ZSWIM6: variants seen among roughly 807,000 people sequenced by gnomAD.
ZSWIM6 encodes zinc finger SWIM-type containing 6.
In ZSWIM6, 9 loss-of-function variants were observed where a neutral mutation model predicts 113.2. That is an observed-to-expected ratio of 0.08 (90% confidence interval 0.05 to 0.14). The LOEUF (loss-of-function observed/expected upper bound fraction) is 0.14. ZSWIM6 is among the 10% of genes least tolerant of loss of function. The pLI is 1.00. For synonymous variants in ZSWIM6, 611 were observed against 606.5 expected (o/e 1.01, Z -0.11); for missense variants, 1,162 against 1,552.2 (o/e 0.75, Z 4.22).
intron 4 of ZSWIM6, among the ~76,000 whole-genome samples, chr5:61,520,775 G>A (rs1749094235): frequency 6.6e-6 from 1 of 152,058 alleles, no homozygotes; most frequent in Admixed American, 6.6e-5. Flanking sequence ...ATTGTAAAAA[G>A]TAATTTTAGA....
intron 4 of ZSWIM6, among the ~76,000 whole-genome samples, chr5:61,496,182 C>T (rs1039500634): frequency 2.5e-4 from 38 of 152,070 alleles, no homozygotes; most frequent in African/African-American, 8.9e-4. Flanking sequence ...TAATTAAGGA[C>T]CAGGCTTTAT....
chr5:61,403,784 G>A (rs1745986897), intron 1 of ZSWIM6, among the ~76,000 whole-genome samples: 1 of 151,912 alleles, frequency 6.6e-6, no homozygotes, highest in Non-Finnish European at 1.5e-5. Flanking sequence ...ATAAGAGGAA[G>A]CAGTTTTTAA....
chr5:61,418,737 T>C (rs975380686), intron 1 of ZSWIM6, among the ~76,000 whole-genome samples: 3 of 152,250 alleles, frequency 2.0e-5, no homozygotes, highest in Non-Finnish European at 1.5e-5. Context: ...AATTTTTCAG[T>C]GCAGGGATAA....
intron 4 of ZSWIM6, among the ~76,000 whole-genome samples, chr5:61,513,988 C>T (rs1229391147): frequency 1.3e-5 from 2 of 152,050 alleles, no homozygotes; most frequent in Non-Finnish European, 2.9e-5. Context: ...CTAGGATTTT[C>T]AGTGAGGTTA....
At position 61,366,462 on chromosome 5, in the gene ZSWIM6, C is replaced by A. The variant is rs553058399; in HGVS notation, c.676+33514C>A. Among the ~76,000 whole-genome samples the A allele has an allele frequency of 3.3e-5, 5 of 152,278 alleles. No individual in the cohort carries two copies. In the East Asian group the frequency reaches 9.7e-4, roughly 29 times the overall value. On this transcript the variant is annotated intron_variant, in intron 1 of 13. Coordinates refer to ENST00000252744, the MANE Select transcript of ZSWIM6 (RefSeq NM_020928.2). ...ATAAGCAACTCAAACTCTAAAAAGA[C>A]AAAACTAGATGTTACAATGTCCACA...
At chr5:61,364,711 G>T (rs1745114916) in intron 1 of ZSWIM6, among the ~76,000 whole-genome samples, 1 of 152,140 alleles carries the variant, frequency 6.6e-6, no homozygotes, top group Admixed American at 6.5e-5. Context: ...GTTCGTAGAT[G>T]ACACCTTCTT....
chr5:61,484,808 G>A (rs1747971827), intron 2 of ZSWIM6, among the ~76,000 whole-genome samples: 3 of 152,090 alleles, frequency 2.0e-5, no homozygotes, highest in African/African-American at 4.8e-5. Context: ...TGATGACCTC[G>A]GGGCTCAACA....
chr5:61,374,835 G>T (rs1011085228), intron 1 of ZSWIM6, among the ~76,000 whole-genome samples: 12 of 152,172 alleles, frequency 7.9e-5, no homozygotes, highest in African/African-American at 2.9e-4. Context: ...GATTACAGGC[G>T]TGAGCTACCG....
At chr5:61,518,616 G>A (rs1427887308) in intron 4 of ZSWIM6, among the ~76,000 whole-genome samples, 1 of 152,156 alleles carries the variant, frequency 6.6e-6, no homozygotes. Context: ...CATGTCCTTT[G>A]CCCACTTTTT....
In ZSWIM6 at chr5:61,470,007, A is replaced by G. The variant is rs528428162; in HGVS notation, c.677-2674A>G. Among the ~76,000 whole-genome samples the G allele has an allele frequency of 2.2e-4, 33 of 152,324 alleles. No individual in the cohort carries two copies. In the South Asian group the frequency reaches 2.7e-3, roughly 12 times the overall value. ...CAGGCATGAGCCACCACTCCTGGCCAATAGTTAAATCAGTCTTTTTTGAAG... is the reference window on the plus strand; with the variant it reads ...CAGGCATGAGCCACCACTCCTGGCCGATAGTTAAATCAGTCTTTTTTGAAG... On this transcript the variant is annotated intron_variant, in intron 1 of 13. Transcript: ENST00000252744.
chr5:61,388,337 G>GT (rs948282542), intron 1 of ZSWIM6, among the ~76,000 whole-genome samples: 1 of 152,092 alleles, frequency 6.6e-6, no homozygotes, highest in Non-Finnish European at 1.5e-5. Context: ...CTCTAGAACT[G>GT]TAAGGCAAAG....
intron 1 of ZSWIM6, among the ~76,000 whole-genome samples, chr5:61,439,421 G>C (rs1579996964): frequency 1.3e-5 from 2 of 152,202 alleles, no homozygotes; most frequent in African/African-American, 2.4e-5. Context: ...TTTATGTGCA[G>C]GACTAGGGTT....
chr5:61,441,881 G>C (rs1010135809), intron 1 of ZSWIM6, among the ~76,000 whole-genome samples: 4 of 152,196 alleles, frequency 2.6e-5, no homozygotes, highest in South Asian at 4.1e-4. Context: ...TGTCCACACA[G>C]AAAGCCTATC....
intron 1 of ZSWIM6, among the ~76,000 whole-genome samples, chr5:61,363,269 T>C (rs367558794): frequency 7.2e-5 from 11 of 152,344 alleles, no homozygotes; most frequent in African/African-American, 2.6e-4. Flanking sequence ...CAAGAATGAT[T>C]ACATCAACTC....
At chr5:61,384,984 C>T (rs192216025) in intron 1 of ZSWIM6, among the ~76,000 whole-genome samples, 64 of 152,172 alleles carry the variant, frequency 4.2e-4, no homozygotes, top group Admixed American at 9.8e-4. Flanking sequence ...GGCGTGAACC[C>T]GGGAGGCGGA....
chr5:61,489,998 G>A (rs757244670), intron 2 of ZSWIM6, among the ~76,000 whole-genome samples: 6 of 151,978 alleles, frequency 3.9e-5, no homozygotes, highest in South Asian at 2.1e-4. Flanking sequence ...AAACACTGAG[G>A]ATGAACAGTT....
At chr5:61,434,868 CT>C (rs1257138311) in intron 1 of ZSWIM6, among the ~76,000 whole-genome samples, 6 of 152,084 alleles carry the variant, frequency 3.9e-5, no homozygotes, top group African/African-American at 1.2e-4. Context: ...GCTTTAAATT[CT>C]TTATCACAGT....
chr5:61,498,601 G>T (rs1748381659), intron 4 of ZSWIM6, among the ~76,000 whole-genome samples: 1 of 152,150 alleles, frequency 6.6e-6, no homozygotes, highest in African/African-American at 2.4e-5. Flanking sequence ...CTTAGAATTA[G>T]AGTAAATCTA....
At chr5:61,507,123 C>T (rs138660221) in intron 4 of ZSWIM6, among the ~76,000 whole-genome samples, 8 of 152,194 alleles carry the variant, frequency 5.3e-5, no homozygotes, top group African/African-American at 1.7e-4. Context: ...TGTTAATGGC[C>T]CTGTGCTTTC....
Sources: allele counts gnomAD v4.1 joint callset (sites outside exome capture counted in the v4.1 genomes callset), GRCh38; gene constraint gnomAD v4.1.1; transcripts MANE v1.5; gene names NCBI Gene and HGNC (gene_info 2026-07-23, HGNC 2026-07-21).